The following SIPA1 variants were observed in gnomAD, a reference collection of about 807,000 sequenced individuals.
SIPA1 encodes the protein signal-induced proliferation-associated 1.
In SIPA1, 51 loss-of-function variants were observed where a neutral mutation model predicts 88.1. The observed-to-expected ratio is 0.58, with a 90% CI of 0.46 to 0.73. The LOEUF (loss-of-function observed/expected upper bound fraction) is 0.73, where lower values mean the gene tolerates loss of function less well. SIPA1 is among the 30% of genes least tolerant of loss of function. The probability of loss-of-function intolerance (pLI) is 0.00; values close to 1 mark genes in which losing one functional copy is unlikely to be tolerated. For synonymous variants in SIPA1, 681 were observed against 664.8 expected, an observed-to-expected ratio of 1.02 and a Z score of -0.37; for missense variants, 1,348 against 1,467.6, an observed-to-expected ratio of 0.92 and a Z score of 1.33.
rs775839184 is a variant in SIPA1, at chr11:65,647,083, A to C, written c.2031+18A>C. 6.6e-6 allele frequency: 10 copies of C among 1,504,482 alleles called. No individual in the cohort carries two copies. The highest frequency in any genetic ancestry group is 8.0e-6 in the Non-Finnish European group (9 of 1,131,528). 93.2% of individuals were successfully genotyped at this position (1,504,482 alleles called of 1,614,324 possible). ...GCCTGCAGGTGAGCTGGAGTGGTAAACTGGGGCCCCTGCGCGCGGCGGGGC... is the reference window on the plus strand; with the variant it reads ...GCCTGCAGGTGAGCTGGAGTGGTAACCTGGGGCCCCTGCGCGCGGCGGGGC... On this transcript the variant is annotated intron_variant, in intron 8 of 15. Transcript: ENST00000534313.
intron 9 of SIPA1, among the ~76,000 whole-genome samples, chr11:65,648,155 G>T (rs906407814): frequency 6.6e-6 from 1 of 152,106 alleles, no homozygotes; most frequent in African/African-American, 2.4e-5. Flanking sequence ...TTACAGGCGT[G>T]AGTCACCGCG....
At chr11:65,648,973 GTTA>G (rs1856194994) in intron 9 of SIPA1, among the ~76,000 whole-genome samples, 1 of 152,210 alleles carries the variant, frequency 6.6e-6, no homozygotes. Context: ...ATTTACACGT[GTTA>G]TTTAAATCCT....
At chr11:65,649,730 G>C in intron 11 of SIPA1, 27 bp from the exon 12 acceptor site, 1 of 1,614,068 alleles carries the variant, frequency 6.2e-7, no homozygotes, top group Non-Finnish European at 8.5e-7. Context: ...GGGCATCACT[G>C]AATCTGTATC....
At position 65,647,382 on chromosome 11, in the gene SIPA1, A is replaced by C. The variant is rs1263200369; in HGVS notation, c.2032-2A>C. 3.5e-6 allele frequency: 5 copies of C among 1,433,718 alleles called. No homozygotes were observed. Among genetic ancestry groups the C allele is most frequent in the Non-Finnish European group, 4.5e-6 (5 of 1,102,184 alleles). The allele number at this position is 1,433,718 out of a possible 1,614,324, so 88.8% of individuals were successfully genotyped here. ...CGCCCACTCGTCCCGCCCCGTCCGCAGCTGGTGAGCCGTGGCTGCGAGACC... is the reference window on the plus strand; with the variant it reads ...CGCCCACTCGTCCCGCCCCGTCCGCCGCTGGTGAGCCGTGGCTGCGAGACC... On this transcript the variant is annotated splice_acceptor_variant, in intron 8 of 15. Coordinates refer to ENST00000534313, the MANE Select transcript of SIPA1 (RefSeq NM_006747.4). LOFTEE classifies it high-confidence loss of function.
chr11:65,647,348 C>G (rs1424300220), intron 8 of SIPA1, 36 bp from the exon 9 acceptor site: 8 of 1,378,466 alleles, frequency 5.8e-6, no homozygotes, highest in Non-Finnish European at 7.4e-6. Flanking sequence ...CCCCACCTCC[C>G]GGCAGCCCCG....
Position 65,647,652 on chromosome 11 carries a change from C to A in SIPA1, c.2300C>A (p.Pro767His). 7.3e-7 allele frequency: 1 copy of A among 1,364,914 alleles called. No individual in the cohort carries two copies. Among genetic ancestry groups the A allele is most frequent in the Non-Finnish European group, 9.4e-7 (1 of 1,062,230 alleles). 84.6% of individuals were successfully genotyped at this position (1,364,914 alleles called of 1,614,324 possible). ...CTGCCCCCCGACGAGAGCGGCCGGC[C>A]CCGCAGGTCAGGGTGCCGGGGACGC... ...TVLPPDESGR[P>H]RRSFSELYTL... The change falls in exon 9 of 16, where the codon CCC becomes CAC. Residue 767 changes from proline (P) to histidine (H), a missense_variant. Coordinates refer to ENST00000534313, the MANE Select transcript of SIPA1 (RefSeq NM_006747.4).
rs1287666529 is a variant in SIPA1 at position 65,647,391 on chromosome 11, G to A, written c.2039G>A (p.Ser680Asn). 6.9e-7 allele frequency: 1 copy of A among 1,450,118 alleles called. No homozygotes were observed. The highest frequency in any genetic ancestry group is 2.8e-5 in the Admixed American group (1 of 36,238). The allele number at this position is 1,450,118 out of a possible 1,614,324, so 89.8% of individuals were successfully genotyped here. A position where few individuals can be genotyped will look rare whatever the true frequency, so the allele number is the denominator to read the frequency against. Reference protein sequence around the residue: ...GEVVARLQLVSRGCETRELAL... With the variant: ...GEVVARLQLVNRGCETRELAL... ...GTCCCGCCCCGTCCGCAGCTGGTGAGCCGTGGCTGCGAGACCCGCGAGCTG... is the reference window on the plus strand; with the variant it reads ...GTCCCGCCCCGTCCGCAGCTGGTGAACCGTGGCTGCGAGACCCGCGAGCTG... Residue 680 changes from serine to asparagine, a missense_variant, in exon 9 of 16, where the codon AGC (serine) becomes AAC (asparagine). By Grantham distance (46) the Ser-to-Asn change is conservative. Around this residue, in one of 4 missense-constraint regions of SIPA1, gnomAD observed 615 missense variants for 559.8 expected, o/e 1.10. Transcript: ENST00000534313.
chr11:65,650,857 T>C lies in SIPA1; in HGVS notation c.*142T>C, dbSNP rs1323944275. 2 of 850,342 alleles carry C rather than the reference T, an allele frequency of 2.4e-6. No individual in the cohort carries two copies. Among genetic ancestry groups the C allele is most frequent in the African/African-American group, 3.4e-5 (2 of 58,554 alleles). 52.7% of individuals were successfully genotyped at this position (850,342 alleles called of 1,614,324 possible). A position where few individuals can be genotyped will look rare whatever the true frequency, so the allele number is the denominator to read the frequency against. Reference sequence around the variant, plus strand: ...GGTGGCGGAAGTGGCCTCCACCCCTTCCCTGTTTGTAAATATTCTGTGGAG... The same window carrying C: ...GGTGGCGGAAGTGGCCTCCACCCCTCCCCTGTTTGTAAATATTCTGTGGAG... On this transcript the variant is annotated 3_prime_UTR_variant, in exon 16 of 16. Transcript: ENST00000534313.
Position 65,646,334 on chromosome 11 carries a change from A to C in SIPA1, c.1377A>C (p.Leu459=), listed in dbSNP as rs746461286. The change falls in exon 7 of 16, where the codon CTA becomes CTC. Residue 459 remains leucine, a synonymous_variant. Transcript: ENST00000534313. The surrounding 1 kb of genome is among the most constrained non-coding windows in gnomAD (Gnocchi z 7.5). ...TIRSHFQHVF[L]VVRAHTPCTP... ...GCTCGCACTTCCAGCACGTGTTCCT[A>C]GTGGTGCGGGCACACACACCCTGCA... 6.2e-7 allele frequency: 1 copy of C among 1,613,664 alleles called. No homozygotes were observed. The highest frequency in any genetic ancestry group is 8.5e-7 in the Non-Finnish European group (1 of 1,179,970).
chr11:65,644,912 C>T (rs1394128058), intron 4 of SIPA1, 43 bp from the exon 5 acceptor site: 5 of 1,572,008 alleles, frequency 3.2e-6, no homozygotes, highest in Non-Finnish European at 2.6e-6. Flanking sequence ...TGGGGTGGGG[C>T]TGCAGGGGAC....
rs1167936002 is a variant in SIPA1 at position 65,647,640 on chromosome 11, AG to A, written c.2289del (p.Ser764AlafsTer35). On this transcript the variant is annotated frameshift_variant, in exon 9 of 16. Coordinates refer to ENST00000534313, the MANE Select transcript of SIPA1 (RefSeq NM_006747.4). LOFTEE classifies it high-confidence loss of function. ...KVCVTVLPPD[E>X]SGRPRRSFSE... ...TGCGTCACCGTCCTGCCCCCCGACG[AG>A]AGCGGCCGGCCCCGCAGGTCAGGGT... The A allele has an allele frequency of 7.2e-7, 1 of 1,383,788 alleles. No individual in the cohort carries two copies. Among genetic ancestry groups the A allele is most frequent in the African/African-American group, 1.5e-5 (1 of 65,218 alleles). 85.7% of individuals were successfully genotyped at this position (1,383,788 alleles called of 1,614,324 possible).
At chr11:65,647,226 G>A in intron 8 of SIPA1, 158 bp from the exon 9 acceptor site, 1 of 1,392,944 alleles carries the variant, frequency 7.2e-7, no homozygotes, top group Non-Finnish European at 9.3e-7. Flanking sequence ...GGTGCCCTCG[G>A]GTAAGCGACT....
At chr11:65,648,404 G>A (rs898970317) in intron 9 of SIPA1, among the ~76,000 whole-genome samples, 7 of 152,136 alleles carry the variant, frequency 4.6e-5, no homozygotes, top group African/African-American at 1.7e-4. Context: ...GGTCTCTGCC[G>A]CAGCTACTCT....
chr11:65,642,716 C>A lies in SIPA1; in HGVS notation c.984+77C>A. On this transcript the variant is annotated intron_variant, in intron 4 of 15. Coordinates refer to ENST00000534313, the MANE Select transcript of SIPA1 (RefSeq NM_006747.4). This position sits in a 1 kb window ranked among gnomAD's most constrained non-coding sequence, Gnocchi z 6.5. ...CCCAGCCTGCCCAGCTCCCAAACCC[C>A]TAGCCTTGACCCTGATCCTGGGCTG... 1.5e-6 allele frequency: 2 copies of A among 1,347,256 alleles called. No homozygotes were observed. The highest frequency in any genetic ancestry group is 2.0e-6 in the Non-Finnish European group (2 of 1,018,468). The allele number at this position is 1,347,256 out of a possible 1,614,324, so 83.5% of individuals were successfully genotyped here.
rs1284113886 is a variant in SIPA1, at chr11:65,646,049, TTGGCCCCAACAGCCCGCCCCTCTGG to T, written c.1263+100_1263+124del. ...CGTTTGAGCTTTGGCCGGAGCTCTG[TTGGCCCCAACAGCCCGCCCCTCTGG>T]TGGCCCCTTCCCAAAGACAGAAACA... On this transcript the variant is annotated intron_variant, in intron 6 of 15. Coordinates refer to ENST00000534313, the MANE Select transcript of SIPA1 (RefSeq NM_006747.4). The surrounding 1 kb of genome is among the most constrained non-coding windows in gnomAD (Gnocchi z 7.5). 1.6e-6 allele frequency: 2 copies of T among 1,281,954 alleles called. No individual in the cohort carries two copies. The highest frequency in any genetic ancestry group is 2.2e-6 in the Non-Finnish European group (2 of 907,696). 79.4% of individuals were successfully genotyped at this position (1,281,954 alleles called of 1,614,324 possible).
At position 65,646,413 on chromosome 11, in the gene SIPA1, C is replaced by T. The variant is rs780293791; in HGVS notation, c.1421+35C>T. 9 of 1,600,238 alleles carry T rather than the reference C, an allele frequency of 5.6e-6. No individual in the cohort carries two copies. Among genetic ancestry groups the T allele is most frequent in the Middle Eastern group, 1.6e-4 (1 of 6,064 alleles). On this transcript the variant is annotated intron_variant, in intron 7 of 15. Transcript: ENST00000534313. The surrounding 1 kb of genome is among the most constrained non-coding windows in gnomAD (Gnocchi z 7.5). Reference sequence around the variant, plus strand: ...GGAGTGGTCCCAGGTCTCCCGTGGGCATGGAGTCCTGCCGCCCCTCACTAA... The same window carrying T: ...GGAGTGGTCCCAGGTCTCCCGTGGGTATGGAGTCCTGCCGCCCCTCACTAA...
chr11:65,642,394 G>A lies in SIPA1; in HGVS notation c.807+17G>A. On this transcript the variant is annotated intron_variant, in intron 3 of 15. Transcript: ENST00000534313. This position sits in a 1 kb window ranked among gnomAD's most constrained non-coding sequence, Gnocchi z 6.5. ...ACCACGCAGGTGGGCCGGGATCGCG[G>A]GATCAGGACGTGGGTTGCCTCCCCG... 1 of 1,589,384 alleles carries A rather than the reference G, an allele frequency of 6.3e-7. No individual in the cohort carries two copies. The highest frequency in any genetic ancestry group is 8.6e-7 in the Non-Finnish European group (1 of 1,166,354).
chr11:65,642,457 C>T lies in SIPA1; in HGVS notation c.808-6C>T, dbSNP rs942959954. On this transcript the variant is annotated splice_region_variant and splice_polypyrimidine_tract_variant and intron_variant, in intron 3 of 15. Coordinates refer to ENST00000534313, the MANE Select transcript of SIPA1 (RefSeq NM_006747.4). This position sits in a 1 kb window ranked among gnomAD's most constrained non-coding sequence, Gnocchi z 6.5. ...CATCCTGAGTGCCCTTACACCCCTTCCTCAGCTCCGGACACTCCGTGGCAC... is the reference window on the plus strand; with the variant it reads ...CATCCTGAGTGCCCTTACACCCCTTTCTCAGCTCCGGACACTCCGTGGCAC... The T allele has an allele frequency of 3.7e-6, 6 of 1,610,876 alleles. No homozygotes were observed. The highest frequency in any genetic ancestry group is 5.1e-6 in the Non-Finnish European group (6 of 1,178,882).
chr11:65,649,057 T>G (rs1405014807), intron 9 of SIPA1: 5 of 523,362 alleles, frequency 9.6e-6, no homozygotes, highest in African/African-American at 1.9e-5. Flanking sequence ...CAGAGTGATT[T>G]GCTTGGGATA....
Sources: allele counts gnomAD v4.1 joint callset (sites outside exome capture counted in the v4.1 genomes callset), GRCh38; gene constraint gnomAD v4.1.1; regional missense constraint gnomAD v4.1.1; non-coding constraint Gnocchi (gnomAD v3.1); transcripts MANE v1.5; gene names NCBI Gene and HGNC (gene_info 2026-07-23, HGNC 2026-07-21).